BEST3: variants seen among roughly 807,000 people sequenced by gnomAD.
The protein encoded by BEST3 is bestrophin 3.
A neutral mutation model predicts 47.1 loss-of-function variants in BEST3; 50 were observed. That is an observed-to-expected ratio of 1.06 (90% CI 0.85 to 1.34). BEST3 has a LOEUF of 1.34. Ranked by LOEUF, BEST3 falls within the 40% of genes most tolerant of loss-of-function variation. The pLI, the probability that BEST3 is intolerant of heterozygous loss-of-function variation, is 0.00. For synonymous variants in BEST3, 282 were observed against 298.8 expected (o/e 0.94, Z 0.58); for missense variants, 765 against 817.0 (o/e 0.94, Z 0.78).
chr12:69,652,591 T>G (rs544756284), downstream of BEST3, among the ~76,000 whole-genome samples: 25 of 152,182 alleles, frequency 1.6e-4, no homozygotes, highest in Admixed American at 5.9e-4. Flanking sequence ...ATTGAGGAAA[T>G]TAAAAAATTA....
intron 9 of BEST3, among the ~76,000 whole-genome samples, chr12:69,663,072 T>G (rs1367857039): frequency 6.6e-6 from 1 of 152,194 alleles, no homozygotes; most frequent in Non-Finnish European, 1.5e-5. Flanking sequence ...ATTTTCAAGA[T>G]AGGACTAAAG....
intron 9 of BEST3, among the ~76,000 whole-genome samples, chr12:69,646,845 G>C (rs996031635): frequency 6.6e-6 from 1 of 152,220 alleles, no homozygotes; most frequent in South Asian, 2.1e-4. Flanking sequence ...TTCCTTTGGA[G>C]TCAGTAGGGT....
At chr12:69,686,786 A>AAAAAAAAAAAAAAAAG (rs371159662) in intron 4 of BEST3, among the ~76,000 whole-genome samples, 9 of 143,280 alleles carry the variant, frequency 6.3e-5, no homozygotes, top group African/African-American at 7.9e-5. Flanking sequence ...AAACAAAAAA[A>AAAAAAAAAAAAAAAAG]AAAGAAAGAA....
chr12:69,663,989 T>G (rs1884027684), intron 9 of BEST3, among the ~76,000 whole-genome samples: 1 of 152,228 alleles, frequency 6.6e-6, no homozygotes, highest in African/African-American at 2.4e-5. Flanking sequence ...TCATTGCTTA[T>G]TAACTCATAA....
downstream of BEST3, among the ~76,000 whole-genome samples, chr12:69,653,033 A>G (rs921791105): frequency 6.6e-6 from 1 of 152,220 alleles, no homozygotes; most frequent in African/African-American, 2.4e-5. Flanking sequence ...GAGAAAAGTC[A>G]GTTAAAGTAA....
In BEST3 at chr12:69,654,113, C is replaced by T; in HGVS notation, c.*794G>A. On this transcript the variant is annotated 3_prime_UTR_variant, in exon 10 of 10. Transcript: ENST00000330891. ...GGGTATCAGGCTGGATTTGTTGACA[C>T]CTTTGATGATTCTGTAGGAGGCTTT... 2.0e-6 allele frequency: 2 copies of T among 985,362 alleles called. No individual in the cohort carries two copies. The highest frequency in any genetic ancestry group is 1.7e-5 in the African/African-American group (1 of 57,324). 61.0% of individuals were successfully genotyped at this position (985,362 alleles called of 1,614,324 possible).
rs1383403059 is a variant in BEST3, at chr12:69,668,557, ACCATT to A, written c.1100+2866_1100+2870del. 2.6e-5 allele frequency among the ~76,000 whole-genome samples: 4 copies of A among 152,188 alleles called. No individual in the cohort carries two copies. In the East Asian group the frequency reaches 7.7e-4, roughly 29 times the overall value. ...CATTGACCTTGTATTTGGTGAGGGA[ACCATT>A]CATTGCTTAGGGAATTATCTTCTAT... On this transcript the variant is annotated intron_variant, in intron 9 of 9. Coordinates refer to ENST00000330891, the MANE Select transcript of BEST3 (RefSeq NM_032735.3).
At chr12:69,673,050 C>T (rs1357846093) in intron 7 of BEST3, 85 bp from the exon 8 acceptor site, 37 of 1,057,062 alleles carry the variant, frequency 3.5e-5, no homozygotes, top group Non-Finnish European at 4.9e-5. Context: ...GTTTTCCTCT[C>T]TGCTTCCTTG....
chr12:69,655,360 G>A lies in BEST3; in HGVS notation c.1554C>T (p.Tyr518=). Residue 518 remains tyrosine (Y), a synonymous_variant, in exon 10 of 10, where the codon TAC becomes TAT. Transcript: ENST00000330891. ...AGATGGAGGTAGCGGAATCATGGTG[G>A]TAGCCCCCTGATGTGGGCACTGGTG... ...AEAPVPTSGG[Y]HHDSATSILS... is the part of the protein sequence containing the mutation. The A allele has an allele frequency of 6.2e-7, 1 of 1,614,130 alleles. No homozygotes were observed.
intron 4 of BEST3, among the ~76,000 whole-genome samples, chr12:69,680,310 C>CTTCTTTTGTTTTTTTTT (rs763385722): frequency 1.1e-5 from 1 of 95,032 alleles, no homozygotes; most frequent in African/African-American, 4.3e-5. Flanking sequence ...TACACTTGAT[C>CTTCTTTTGTTTTTTTTT]TTTTTTTTTT....
chr12:69,678,654 G>A, intron 5 of BEST3, 85 bp downstream of exon 5: 1 of 1,342,396 alleles, frequency 7.4e-7, no homozygotes, highest in Non-Finnish European at 1.0e-6. Flanking sequence ...GAACAAAGCT[G>A]ACTCTTCCTG....
chr12:69,646,690 A>G (rs1377065734), intron 9 of BEST3, among the ~76,000 whole-genome samples: 1 of 152,182 alleles, frequency 6.6e-6, no homozygotes. Context: ...GGCCAGGGGG[A>G]GCAAAACCAT....
At chr12:69,673,046 C>T in intron 7 of BEST3, 81 bp from the exon 8 acceptor site, 1 of 1,076,514 alleles carries the variant, frequency 9.3e-7, no homozygotes, top group Non-Finnish European at 1.4e-6. Flanking sequence ...TCCTGTTTTC[C>T]TCTCTGCTTC....
intron 9 of BEST3, among the ~76,000 whole-genome samples, chr12:69,647,418 A>G (rs773203205): frequency 1.3e-4 from 20 of 152,336 alleles, no homozygotes; most frequent in Admixed American, 3.9e-4. Flanking sequence ...GCAGAAGGGC[A>G]GGCATTTGGA....
chr12:69,685,488 A>G (rs1885525388), intron 4 of BEST3, among the ~76,000 whole-genome samples: 1 of 152,214 alleles, frequency 6.6e-6, no homozygotes, highest in Non-Finnish European at 1.5e-5. Flanking sequence ...GAGTTTTGAA[A>G]AATCCTGATG....
At chr12:69,689,069 C>T in intron 4 of BEST3, 1 of 985,384 alleles carries the variant, frequency 1.0e-6, no homozygotes, top group Non-Finnish European at 1.2e-6. Flanking sequence ...GCTTTACTTA[C>T]CAGTCCTCTC....
chr12:69,677,045 G>T lies in BEST3; in HGVS notation c.738C>A (p.Thr246=). ...YTQVVTLAVY[T]FFFACLIGRQ... ...GTCCAATCAGGCACGCAAAGAAGAA[G>T]GTATAGACAGCAAGAGTGACAACCT... The change falls in exon 7 of 10, where the codon ACC becomes ACA. Residue 246 remains threonine, a synonymous_variant. Coordinates refer to ENST00000330891, the MANE Select transcript of BEST3 (RefSeq NM_032735.3). 1 of 1,614,182 alleles carries T rather than the reference G, an allele frequency of 6.2e-7. No homozygotes were observed. The highest frequency in any genetic ancestry group is 1.3e-5 in the African/African-American group (1 of 75,048).
intron 4 of BEST3, among the ~76,000 whole-genome samples, chr12:69,679,792 C>T (rs947813591): frequency 1.3e-5 from 2 of 152,146 alleles, no homozygotes; most frequent in African/African-American, 2.4e-5. Flanking sequence ...ACCCAGGAAG[C>T]GGAGGTTGCA....
chr12:69,690,510 C>A (rs949830846), intron 4 of BEST3, among the ~76,000 whole-genome samples: 2 of 152,214 alleles, frequency 1.3e-5, no homozygotes, highest in African/African-American at 2.4e-5. Flanking sequence ...GCCCCAGAGG[C>A]CTCTCCATTG....
Sources: allele counts gnomAD v4.1 joint callset (sites outside exome capture counted in the v4.1 genomes callset), GRCh38; gene constraint gnomAD v4.1.1; transcripts MANE v1.5; gene names NCBI Gene and HGNC (gene_info 2026-07-23, HGNC 2026-07-21).